Variants in PPM1L observed in about 807,000 individuals in gnomAD.
PPM1L encodes the protein protein phosphatase, Mg2+/Mn2+ dependent 1L.
In PPM1L, 13 loss-of-function variants were observed where a neutral mutation model predicts 31.4. That is an observed-to-expected ratio of 0.41 (90% CI 0.27 to 0.66). The LOEUF (loss-of-function observed/expected upper bound fraction) is 0.66, where lower values mean the gene tolerates loss of function less well. Among genes scored for constraint, PPM1L ranks in the 30% least tolerant of loss-of-function variants. The pLI is 0.29. For missense variants in PPM1L, 326 were observed against 453.7 expected, an observed-to-expected ratio of 0.72 and a Z score of 2.56; for synonymous variants, 184 against 175.4, an observed-to-expected ratio of 1.05 and a Z score of -0.39.
At chr3:160,985,358 A>G (rs1230107053) in intron 2 of PPM1L, among the ~76,000 whole-genome samples, 1 of 152,150 alleles carries the variant, frequency 6.6e-6, no homozygotes, top group East Asian at 1.9e-4. Flanking sequence ...AAAGGGTAAG[A>G]CTAGTTTAGA....
At chr3:160,771,643 C>G (rs546561216) in intron 1 of PPM1L, among the ~76,000 whole-genome samples, 1 of 136,880 alleles carries the variant, frequency 7.3e-6, no homozygotes, top group African/African-American at 2.8e-5. Flanking sequence ...TTTAAAGATA[C>G]GAAGCAGAAT....
rs551010884 is a variant in PPM1L, at chr3:160,936,643, T to C, written c.400-25093T>C. 2.0e-5 allele frequency among the ~76,000 whole-genome samples: 3 copies of C among 152,340 alleles called. No homozygotes were observed. The East Asian group carries it at 5.8e-4, about 29-fold the overall frequency. On this transcript the variant is annotated intron_variant, in intron 1 of 3. Transcript: ENST00000498165. ...GCCAGTTAGTTAATGGCAGAAACAT[T>C]ATAATGGAAAACAACCTTAAATATG...
chr3:160,849,684 G>A (rs990023143), intron 1 of PPM1L, among the ~76,000 whole-genome samples: 1 of 148,602 alleles, frequency 6.7e-6, no homozygotes, highest in Non-Finnish European at 1.5e-5. Flanking sequence ...TCAGCCTCCC[G>A]AGTATCTGGG....
At chr3:160,791,187 T>C (rs1263736846) in intron 1 of PPM1L, among the ~76,000 whole-genome samples, 6 of 152,098 alleles carry the variant, frequency 3.9e-5, no homozygotes, top group African/African-American at 7.2e-5. Flanking sequence ...ATGAGACCAT[T>C]TAAAGAGAGA....
At chr3:161,010,594 G>A (rs1218564380) in intron 2 of PPM1L, among the ~76,000 whole-genome samples, 5 of 152,168 alleles carry the variant, frequency 3.3e-5, no homozygotes, top group Admixed American at 3.3e-4. Context: ...TTGAGGAATT[G>A]CCACACTGTC....
At chr3:160,862,661 C>T (rs1031619599) in intron 1 of PPM1L, among the ~76,000 whole-genome samples, 1 of 112,700 alleles carries the variant, frequency 8.9e-6, no homozygotes, top group South Asian at 3.4e-4. Context: ...CCTAGGCACA[C>T]GCACACACAC....
chr3:160,927,228 C>CTG (rs1360098983), intron 1 of PPM1L, among the ~76,000 whole-genome samples: 2 of 152,154 alleles, frequency 1.3e-5, no homozygotes, highest in East Asian at 3.9e-4. Context: ...CAAAGCTGGG[C>CTG]TGTGTTATCT....
At chr3:161,055,104 G>C (rs1303598364) in intron 2 of PPM1L, among the ~76,000 whole-genome samples, 2 of 152,132 alleles carry the variant, frequency 1.3e-5, no homozygotes, top group African/African-American at 4.8e-5. Flanking sequence ...AGTGAAGTCA[G>C]AGCAGGGGGT....
intron 2 of PPM1L, among the ~76,000 whole-genome samples, chr3:161,008,323 C>T (rs906677743): frequency 1.3e-5 from 2 of 152,198 alleles, no homozygotes; most frequent in Admixed American, 6.5e-5. Flanking sequence ...AACAGACAAG[C>T]CTTGCAGGGT....
At chr3:160,772,403 G>T (rs1307140801) in intron 1 of PPM1L, among the ~76,000 whole-genome samples, 1 of 152,168 alleles carries the variant, frequency 6.6e-6, no homozygotes, top group Non-Finnish European at 1.5e-5. Flanking sequence ...ATGGCAACAG[G>T]AGTGCTTGGC....
chr3:160,893,628 G>C (rs1186372758), intron 1 of PPM1L, among the ~76,000 whole-genome samples: 1 of 152,258 alleles, frequency 6.6e-6, no homozygotes, highest in Non-Finnish European at 1.5e-5. Context: ...CAAAGTAAAA[G>C]CTTGACCCCA....
At chr3:161,018,933 CTGAT>C (rs1364548570) in intron 2 of PPM1L, among the ~76,000 whole-genome samples, 1 of 152,138 alleles carries the variant, frequency 6.6e-6, no homozygotes, top group African/African-American at 2.4e-5. Context: ...CTTTGTAAGA[CTGAT>C]AGATAGTTTA....
At chr3:160,913,335 C>T (rs16831611) in intron 1 of PPM1L, among the ~76,000 whole-genome samples, 11,343 of 151,980 alleles carry the variant, frequency 0.075, 530 homozygotes, top group African/African-American at 0.12. Context: ...TGTCAGAGGT[C>T]GAAGAAAATC....
In PPM1L at chr3:161,069,961, C is replaced by T. The variant is rs544533510; in HGVS notation, c.*804C>T. On this transcript the variant is annotated 3_prime_UTR_variant, in exon 4 of 4. Transcript: ENST00000498165. ...ACAGATACCCTGATTTTTCATCTTA[C>T]GTGACCAAGAAACCACGTTAGGGGA... is the stretch of plus-strand genomic sequence containing the variant. 7 of 152,266 alleles carry T rather than the reference C, an allele frequency of 4.6e-5. No individual in the cohort carries two copies. Among genetic ancestry groups the T allele is most frequent in the African/African-American group, 1.2e-4 (5 of 41,542 alleles). 9.4% of individuals were successfully genotyped at this position (152,266 alleles called of 1,614,324 possible). A position where few individuals can be genotyped will look rare whatever the true frequency, so the allele number is the denominator to read the frequency against.
chr3:160,799,178 A>G (rs1016415491), intron 1 of PPM1L, among the ~76,000 whole-genome samples: 31 of 152,242 alleles, frequency 2.0e-4, no homozygotes, highest in African/African-American at 6.8e-4. Flanking sequence ...AGGATTTAGA[A>G]TGTTACATAA....
intron 1 of PPM1L, among the ~76,000 whole-genome samples, chr3:160,912,123 T>C (rs1326876616): frequency 6.6e-6 from 1 of 152,118 alleles, no homozygotes; most frequent in African/African-American, 2.4e-5. Context: ...TTTGATGAGG[T>C]TAGAATCATG....
At position 161,063,615 on chromosome 3, in the gene PPM1L, T is replaced by A. The variant is rs546449547; in HGVS notation, c.575-1788T>A. On this transcript the variant is annotated intron_variant, in intron 2 of 3. Transcript: ENST00000498165. The stretch of plus-strand genomic sequence containing the variant: ...CCATTGTGGAAGACAGTGTGGCAAT[T>A]CCTCAAGGATCTAGAACCAGAAATA... Among the ~76,000 whole-genome samples the A allele has an allele frequency of 4.2e-4, 64 of 152,310 alleles. No individual in the cohort carries two copies. The Middle Eastern group carries it at 0.017, about 40-fold the overall frequency.
chr3:160,976,315 G>A (rs1398374485), intron 2 of PPM1L, among the ~76,000 whole-genome samples: 16 of 145,342 alleles, frequency 1.1e-4, no homozygotes, highest in East Asian at 6.2e-4. Flanking sequence ...TGTTCATCAA[G>A]GATATTGGTC....
At chr3:160,824,522 C>T (rs1040132210) in intron 1 of PPM1L, among the ~76,000 whole-genome samples, 8 of 152,262 alleles carry the variant, frequency 5.3e-5, no homozygotes, top group East Asian at 3.9e-4. Context: ...GAATCCTGTG[C>T]GTGTCTGTTT....
Sources: allele counts gnomAD v4.1 joint callset (sites outside exome capture counted in the v4.1 genomes callset), GRCh38; gene constraint gnomAD v4.1.1; transcripts MANE v1.5; gene names NCBI Gene and HGNC (gene_info 2026-07-23, HGNC 2026-07-21).